INSL6: variants seen among roughly 807,000 people sequenced by gnomAD.
INSL6 encodes insulin-like peptide INSL6.
A neutral mutation model predicts 9.4 loss-of-function variants in INSL6; 16 were observed. The observed-to-expected ratio is 1.70, with a 90% CI of 1.15 to 2.59. The LOEUF (loss-of-function observed/expected upper bound fraction) is 2.59. Ranked by LOEUF, INSL6 falls within the 30% of genes most tolerant of loss-of-function variation. The pLI is 0.00. For synonymous variants in INSL6, 154 were observed against 96.9 expected, an observed-to-expected ratio of 1.59 and a Z score of -3.46; for missense variants, 391 against 257.3, an observed-to-expected ratio of 1.52 and a Z score of -3.56.
At chr9:5,133,149 T>C (rs1266063890) in intron 3 of INSL6, among the ~76,000 whole-genome samples, 1 of 150,392 alleles carries the variant, frequency 6.6e-6, no homozygotes, top group East Asian at 1.9e-4. Context: ...TAAACAGATA[T>C]GCAGTGATAT....
chr9:5,112,160 T>C, the INSL6 span: 2 of 284,402 alleles, frequency 7.0e-6, no homozygotes, highest in South Asian at 3.0e-5. Context: ...GTGCACACGC[T>C]GCTACCCGGC....
chr9:5,054,518 TTTTTG>T, the INSL6 span: 2 of 1,443,384 alleles, frequency 1.4e-6, no homozygotes, highest in Non-Finnish European at 1.9e-6. The surrounding 1 kb of genome is among the most constrained non-coding windows in gnomAD (Gnocchi z 4.9). Flanking sequence ...TATCTTCCAA[TTTTTG>T]TTTTGTTTTG....
intron 3 of INSL6, among the ~76,000 whole-genome samples, chr9:5,128,585 T>C (rs1824152881): frequency 6.6e-6 from 1 of 151,954 alleles, no homozygotes; most frequent in South Asian, 2.1e-4. Flanking sequence ...TAAAACAAGA[T>C]GTGAACTAAC....
intron 1 of INSL6, among the ~76,000 whole-genome samples, chr9:5,172,512 A>C (rs1307538130): frequency 6.6e-6 from 1 of 152,254 alleles, no homozygotes; most frequent in Non-Finnish European, 1.5e-5. Flanking sequence ...CTACCATCAG[A>C]GTGAACAGAC....
rs988496374 is a variant in INSL6 at position 5,164,333 on chromosome 9, G to C, written c.290-68C>G. On this transcript the variant is annotated intron_variant, in intron 1 of 1. Transcript: ENST00000381641. ...TCCTTTAGATGAAAATTTAATATTG[G>C]AACAGTAAAATCAGCTAATTATTAA... 18 of 980,868 alleles carry C rather than the reference G, an allele frequency of 1.8e-5. No homozygotes were observed. The African/African-American group carries it at 2.3e-4, about 12-fold the overall frequency. The allele number at this position is 980,868 out of a possible 1,614,324, so 60.8% of individuals were successfully genotyped here.
chr9:5,130,529 G>A (rs1483577396), intron 3 of INSL6, among the ~76,000 whole-genome samples: 2 of 151,886 alleles, frequency 1.3e-5, no homozygotes, highest in Non-Finnish European at 2.9e-5. Context: ...AGTGTGAAAT[G>A]GAAAAATCTG....
the INSL6 span, among the ~76,000 whole-genome samples, chr9:4,992,064 T>C: frequency 6.6e-6 from 1 of 152,190 alleles, no homozygotes; most frequent in Admixed American, 6.5e-5. Flanking sequence ...ACTTTGTTTT[T>C]GCTCCACAAT....
At chr9:5,086,054 A>G in the INSL6 span, 1 of 729,290 alleles carries the variant, frequency 1.4e-6, no homozygotes, top group Non-Finnish European at 2.5e-6. Flanking sequence ...GCTTCACAAG[A>G]TTAAAATAGG....
At chr9:5,040,429 T>C in the INSL6 span, among the ~76,000 whole-genome samples, 5 of 152,192 alleles carry the variant, frequency 3.3e-5, no homozygotes, top group Non-Finnish European at 5.9e-5. Flanking sequence ...AAAGCTCAAG[T>C]GACAAAAGAA....
At chr9:5,119,462 G>A (rs1823452270), downstream of INSL6, among the ~76,000 whole-genome samples, 1 of 151,824 alleles carries the variant, frequency 6.6e-6, no homozygotes, top group Non-Finnish European at 1.5e-5. Flanking sequence ...TATAAGCTTT[G>A]GGACCTGTAT....
At chr9:5,133,890 A>G (rs1207146754) in intron 2 of INSL6, among the ~76,000 whole-genome samples, 1 of 150,772 alleles carries the variant, frequency 6.6e-6, no homozygotes, top group Non-Finnish European at 1.5e-5. Context: ...GGTAATTACA[A>G]ACTCCTCTGA....
At chr9:5,153,108 C>T (rs9695934) in intron 2 of INSL6, among the ~76,000 whole-genome samples, 6 of 151,462 alleles carry the variant, frequency 4.0e-5, no homozygotes, top group Non-Finnish European at 5.9e-5. Flanking sequence ...ACAAAACTGG[C>T]CAGCTGTTTG....
At chr9:5,113,420 T>A in the INSL6 span, 1 of 108,186 alleles carries the variant, frequency 9.2e-6, no homozygotes, top group Admixed American at 9.6e-5. Context: ...GAACATTAGT[T>A]ATTTAAAAAA....
the INSL6 span, among the ~76,000 whole-genome samples, chr9:5,103,833 A>C: frequency 6.6e-6 from 1 of 152,222 alleles, no homozygotes; most frequent in Non-Finnish European, 1.5e-5. Flanking sequence ...TAAATAATGA[A>C]ATGAAGACAG....
chr9:5,049,392 T>A, the INSL6 span, among the ~76,000 whole-genome samples: 1 of 152,230 alleles, frequency 6.6e-6, no homozygotes, highest in Non-Finnish European at 1.5e-5. Flanking sequence ...AGTTTATGCA[T>A]CTGAACATAT....
At chr9:5,112,187 T>TGGGCTTCGCCGGCCCC in the INSL6 span, 2 of 261,776 alleles carry the variant, frequency 7.6e-6, no homozygotes, top group Non-Finnish European at 1.5e-5. Flanking sequence ...GCGCTGGCCT[T>TGGGCTTCGCCGGCCCC]GGGCTTCGCC....
the INSL6 span, chr9:5,077,709 A>T: frequency 1.9e-6 from 1 of 518,058 alleles, no homozygotes; most frequent in East Asian, 3.9e-5. Context: ...AGTCTGTGTT[A>T]GGTGATAAAA....
intron 2 of INSL6, among the ~76,000 whole-genome samples, chr9:5,150,251 CATAGTT>C (rs1586863511): frequency 1.5e-5 from 2 of 129,274 alleles, no homozygotes; most frequent in South Asian, 2.3e-4. Flanking sequence ...ACAAATAAGA[CATAGTT>C]ATAAACTAGA....
chr9:5,050,608 T>C, the INSL6 span: 2 of 1,403,810 alleles, frequency 1.4e-6, no homozygotes, highest in East Asian at 2.4e-5. Context: ...CTGAAAATTA[T>C]GATTAAAATA....
Sources: allele counts gnomAD v4.1 joint callset (sites outside exome capture counted in the v4.1 genomes callset), GRCh38; gene constraint gnomAD v4.1.1; non-coding constraint Gnocchi (gnomAD v3.1); transcripts MANE v1.5; gene names NCBI Gene and HGNC (gene_info 2026-07-23, HGNC 2026-07-21).